PTPRO: variants seen among roughly 807,000 people sequenced by gnomAD.
The protein encoded by PTPRO is receptor-type tyrosine-protein phosphatase O.
A neutral mutation model predicts 145.2 loss-of-function variants in PTPRO; 62 were observed. That is an observed-to-expected ratio of 0.43 (90% CI 0.35 to 0.53). PTPRO has a LOEUF of 0.53. Ranked by LOEUF, PTPRO falls within the 20% of genes least tolerant of loss-of-function variation. The probability of loss-of-function intolerance (pLI) is 0.01; values close to 1 mark genes in which losing one functional copy is unlikely to be tolerated. For missense variants in PTPRO, 1,345 were observed against 1,482.7 expected, an observed-to-expected ratio of 0.91 and a Z score of 1.53; for synonymous variants, 565 against 514.7, an observed-to-expected ratio of 1.10 and a Z score of -1.32.
chr12:15,584,387 G>C (rs1944387316), intron 23 of PTPRO, among the ~76,000 whole-genome samples: 1 of 152,162 alleles, frequency 6.6e-6, no homozygotes, highest in South Asian at 2.1e-4. Context: ...TCTGTCCCTA[G>C]GTTTGCACGT....
rs943786669 is a variant in PTPRO, at chr12:15,439,994, G to A, written c.76-43980G>A. The stretch of plus-strand genomic sequence containing the variant: ...TGCCATCTGCGGGGCCATCATCCTG[G>A]CCAAGCTCTCCATTGTCCCTGTGTG... On this transcript the variant is annotated intron_variant, in intron 1 of 26. Coordinates refer to ENST00000281171, the MANE Select transcript of PTPRO (RefSeq NM_030667.3). 52 of 683,404 alleles carry A rather than the reference G, an allele frequency of 7.6e-5. No individual in the cohort carries two copies. In the African/African-American group the frequency reaches 8.2e-4, roughly 11 times the overall value. 42.3% of individuals were successfully genotyped at this position (683,404 alleles called of 1,614,324 possible).
At chr12:15,493,219 G>A (rs553564475) in intron 2 of PTPRO, among the ~76,000 whole-genome samples, 1 of 152,150 alleles carries the variant, frequency 6.6e-6, no homozygotes, top group African/African-American at 2.4e-5. Flanking sequence ...GAAAATACCT[G>A]TCTACCTAGA....
intron 1 of PTPRO, among the ~76,000 whole-genome samples, chr12:15,342,953 G>C (rs915739738): frequency 5.3e-5 from 8 of 152,108 alleles, no homozygotes; most frequent in African/African-American, 1.9e-4. Context: ...GTGTGTGAAG[G>C]TGTGTGAAGT....
At chr12:15,579,994 C>T (rs1233292394) in intron 20 of PTPRO, 45 bp from the exon 21 acceptor site, 2 of 1,508,652 alleles carry the variant, frequency 1.3e-6, no homozygotes, top group Admixed American at 1.7e-5. Context: ...ATAATTTTTC[C>T]TTCCATCTTG....
chr12:15,439,548 G>A (rs1042212288), intron 1 of PTPRO: 2 of 250,032 alleles, frequency 8.0e-6, no homozygotes, highest in African/African-American at 2.3e-5. Context: ...CGCTGGTGGA[G>A]CGAGGGGGCC....
chr12:15,528,236 G>C (rs11056547), intron 12 of PTPRO, among the ~76,000 whole-genome samples: 59,916 of 151,048 alleles, frequency 0.4, 12,150 homozygotes, highest in Admixed American at 0.46. Context: ...AAAAAAAAAG[G>C]CTGGGCACGG....
chr12:15,440,142 C>T (rs970513490), intron 1 of PTPRO: 8 of 653,470 alleles, frequency 1.2e-5, no homozygotes, highest in Admixed American at 1.1e-4. Flanking sequence ...ATCATCTCAG[C>T]CCCTGTGCCC....
At chr12:15,510,689 G>C (rs902488089) in intron 7 of PTPRO, among the ~76,000 whole-genome samples, 5 of 152,092 alleles carry the variant, frequency 3.3e-5, no homozygotes, top group African/African-American at 1.2e-4. Flanking sequence ...ACCATGCTAG[G>C]CATCATCTCA....
chr12:15,328,908 G>C (rs1866528537), intron 1 of PTPRO, among the ~76,000 whole-genome samples: 1 of 152,052 alleles, frequency 6.6e-6, no homozygotes. Flanking sequence ...AAAAGAATAG[G>C]AATGCAATTT....
chr12:15,365,285 A>G (rs984138170), intron 1 of PTPRO, among the ~76,000 whole-genome samples: 27 of 152,112 alleles, frequency 1.8e-4, no homozygotes, highest in African/African-American at 5.8e-4. Flanking sequence ...TGATCGTCCA[A>G]TGTATGTAAG....
At chr12:15,531,213 A>T (rs1942955755) in intron 12 of PTPRO, among the ~76,000 whole-genome samples, 1 of 152,150 alleles carries the variant, frequency 6.6e-6, no homozygotes, top group African/African-American at 2.4e-5. Flanking sequence ...TGAAAGTCAT[A>T]ATAAAGTCTC....
intron 1 of PTPRO, among the ~76,000 whole-genome samples, chr12:15,389,890 C>A (rs1461489846): frequency 1.3e-5 from 2 of 152,266 alleles, no homozygotes; most frequent in East Asian, 3.9e-4. Flanking sequence ...TGAAAGTTTC[C>A]TTAAAAAACT....
At chr12:15,372,265 A>G (rs1938554040) in intron 1 of PTPRO, among the ~76,000 whole-genome samples, 2 of 152,090 alleles carry the variant, frequency 1.3e-5, no homozygotes, top group South Asian at 4.2e-4. Flanking sequence ...AAAACTTGAG[A>G]TATTTGATTA....
At chr12:15,354,022 G>A (rs1452542520) in intron 1 of PTPRO, among the ~76,000 whole-genome samples, 2 of 152,136 alleles carry the variant, frequency 1.3e-5, no homozygotes, top group African/African-American at 2.4e-5. Context: ...TTTTCAGTCA[G>A]AGCTGTGTAA....
chr12:15,591,905 A>C (rs549807112), intron 25 of PTPRO, among the ~76,000 whole-genome samples: 1 of 152,128 alleles, frequency 6.6e-6, no homozygotes, highest in South Asian at 2.1e-4. Context: ...TTAATTATGA[A>C]ATAATTAAAT....
Position 15,565,575 on chromosome 12 carries a change from T to C in PTPRO, c.2712-18T>C, listed in dbSNP as rs1218078786. 1 of 1,440,472 alleles carries C rather than the reference T, an allele frequency of 6.9e-7. No individual in the cohort carries two copies. The highest frequency in any genetic ancestry group is 1.2e-5 in the South Asian group (1 of 86,808). 89.2% of individuals were successfully genotyped at this position (1,440,472 alleles called of 1,614,324 possible). A position where few individuals can be genotyped will look rare whatever the true frequency, so the allele number is the denominator to read the frequency against. ...TCTTCTGCCCAGATAAATTTGTCTT[T>C]TCTTTTTTAATTATCAGGAGTAAAA... On this transcript the variant is annotated intron_variant, in intron 17 of 26. Coordinates refer to ENST00000281171, the MANE Select transcript of PTPRO (RefSeq NM_030667.3).
chr12:15,569,578 C>A, intron 19 of PTPRO, 80 bp downstream of exon 19: 1 of 1,251,140 alleles, frequency 8.0e-7, no homozygotes, highest in South Asian at 1.2e-5. Flanking sequence ...GGTCATGTCC[C>A]TGCTCACTGG....
At chr12:15,595,864 T>C (rs549187677) in intron 26 of PTPRO, 1 of 152,206 alleles carries the variant, frequency 6.6e-6, no homozygotes, top group South Asian at 2.1e-4. Flanking sequence ...GAGCGCACAA[T>C]GGAGCAGGAA....
chr12:15,503,358 GA>G (rs1942258327), intron 5 of PTPRO, among the ~76,000 whole-genome samples: 1 of 152,054 alleles, frequency 6.6e-6, no homozygotes. Flanking sequence ...CTTTCTTTAA[GA>G]AGATCTGAAA....
Sources: gnomAD v4.1 joint callset for allele counts (sites outside exome capture counted in the v4.1 genomes callset) on GRCh38, gnomAD v4.1.1 for gene constraint, MANE v1.5 for transcripts, NCBI Gene and HGNC (gene_info 2026-07-23, HGNC 2026-07-21) for gene names.